SLC7A5: variants seen among roughly 807,000 people sequenced by gnomAD.
The protein encoded by SLC7A5 is large neutral amino acids transporter small subunit 1.
Under a neutral mutation model 50.2 loss-of-function variants are expected in SLC7A5, and 23 were observed. That is an observed-to-expected ratio of 0.46 (90% confidence interval 0.33 to 0.65). SLC7A5 has a LOEUF of 0.65. SLC7A5 is among the 30% of genes least tolerant of loss of function. The pLI is 0.02. For synonymous variants in SLC7A5, 393 were observed against 330.6 expected (o/e 1.19, Z -2.05); for missense variants, 578 against 684.4 (o/e 0.84, Z 1.73).
chr16:87,869,222 G>T lies in SLC7A5; in HGVS notation c.201C>A (p.Gly67=). 3 of 1,612,440 alleles carry T rather than the reference G, an allele frequency of 1.9e-6. No individual in the cohort carries two copies. The highest frequency in any genetic ancestry group is 2.5e-6 in the Non-Finnish European group (3 of 1,179,824). The part of the protein sequence containing the change: ...AIIVGTIIGS[G]IFVTPTGVLK... ...GCACGCCCGTGGGCGTCACGAAGAT[G>T]CCCGAGCCGATAATGGTCCCCACGA... The change falls in exon 1 of 10, where the codon GGC becomes GGA. Residue 67 remains glycine (G), a synonymous_variant. Transcript: ENST00000261622.
chr16:87,866,524 G>A (rs909604105), intron 1 of SLC7A5, among the ~76,000 whole-genome samples: 8 of 152,082 alleles, frequency 5.3e-5, no homozygotes, highest in African/African-American at 1.9e-4. Flanking sequence ...GGAGTGCAGT[G>A]GTGCGATCTC....
chr16:87,837,467 C>T (rs571032770), intron 7 of SLC7A5: 5 of 277,468 alleles, frequency 1.8e-5, no homozygotes, highest in Non-Finnish European at 2.8e-5. Flanking sequence ...AAGGCAGTCA[C>T]GCGGGCTGGC....
rs2054940090 is a variant in SLC7A5, at chr16:87,831,960, C to T, written c.*1010G>A. On this transcript the variant is annotated 3_prime_UTR_variant, in exon 10 of 10. Transcript: ENST00000261622. ...CGTGACAGGGAGAGCGGGGAGGTGC[C>T]TAGGCCGGGAGTGGGAACCCAGCAC... 5 of 153,054 alleles carry T rather than the reference C, an allele frequency of 3.3e-5. No individual in the cohort carries two copies. The Admixed American group carries it at 3.3e-4, about 10-fold the overall frequency. 9.5% of individuals were successfully genotyped at this position (153,054 alleles called of 1,614,324 possible). A position where few individuals can be genotyped will look rare whatever the true frequency, so the allele number is the denominator to read the frequency against.
At chr16:87,837,680 C>CCCCT (rs1450279717) in intron 7 of SLC7A5, 165 bp downstream of exon 7, 1 of 604,248 alleles carries the variant, frequency 1.7e-6, no homozygotes, top group East Asian at 2.8e-5. Flanking sequence ...AAATCTAAAG[C>CCCCT]CCCTCCAGCG....
intron 1 of SLC7A5, among the ~76,000 whole-genome samples, chr16:87,868,157 A>G (rs547038891): frequency 6.6e-6 from 1 of 151,792 alleles, no homozygotes; most frequent in African/African-American, 2.4e-5. Context: ...AAAGAAAACT[A>G]TTTTGAAAAG....
chr16:87,844,468 C>G (rs1252302416), intron 2 of SLC7A5, among the ~76,000 whole-genome samples: 1 of 152,194 alleles, frequency 6.6e-6, no homozygotes, highest in African/African-American at 2.4e-5. Flanking sequence ...GGAGACTCCG[C>G]CGGTGGCTAA....
chr16:87,839,154 G>T (rs1323604176), intron 5 of SLC7A5, among the ~76,000 whole-genome samples: 2 of 152,208 alleles, frequency 1.3e-5, no homozygotes, highest in African/African-American at 4.8e-5. Flanking sequence ...TGCCGGCAGC[G>T]GGCTGGGAGT....
intron 2 of SLC7A5, among the ~76,000 whole-genome samples, chr16:87,843,347 C>CTTTTTTTTTTT (rs60307560): frequency 1.9e-4 from 12 of 63,322 alleles, no homozygotes; most frequent in African/African-American, 6.5e-4. Flanking sequence ...GCCTGAGTAA[C>CTTTTTTTTTTT]TTTTTTTTTT....
At chr16:87,839,346 A>T (rs970852090) in intron 5 of SLC7A5, among the ~76,000 whole-genome samples, 1 of 151,580 alleles carries the variant, frequency 6.6e-6, no homozygotes, top group African/African-American at 2.4e-5. Flanking sequence ...AACGAACCCC[A>T]CTCTGTGGCA....
Position 87,838,786 on chromosome 16 carries a change from G to C in SLC7A5, c.971C>G (p.Ser324Cys), listed in dbSNP as rs2055044990. Residue 324 changes from serine to cysteine, a missense_variant, in exon 6 of 10, where the codon TCC (serine) becomes TGC (cysteine). Coordinates refer to ENST00000261622, the MANE Select transcript of SLC7A5 (RefSeq NM_003486.7). The stretch of plus-strand genomic sequence containing the variant: ...GCCCACGAAGACGGGGATGATCCAG[G>C]ACATGACGCCCAGGTGATAGTTCCC... ...DFGNYHLGVMSWIIPVFVGLS... is the reference protein window; with the variant it reads ...DFGNYHLGVMCWIIPVFVGLS... 1.9e-6 allele frequency: 3 copies of C among 1,613,910 alleles called. No individual in the cohort carries two copies. Among genetic ancestry groups the C allele is most frequent in the African/African-American group, 2.7e-5 (2 of 74,936 alleles).
chr16:87,833,482 A>G lies in SLC7A5; in HGVS notation c.1469-457T>C, dbSNP rs2054957779. 6.6e-6 allele frequency among the ~76,000 whole-genome samples: 1 copy of G among 152,160 alleles called. No individual in the cohort carries two copies. The highest frequency in any genetic ancestry group is 2.4e-5 in the African/African-American group (1 of 41,448). ...ACCTGTCGCGCCTGGGACTGTCTACAGAGACATCACTCTGTGGAGGGGGAC... is the reference window on the plus strand; with the variant it reads ...ACCTGTCGCGCCTGGGACTGTCTACGGAGACATCACTCTGTGGAGGGGGAC... On this transcript the variant is annotated intron_variant, in intron 9 of 9. Transcript: ENST00000261622. This position sits in a 1 kb window ranked among gnomAD's most constrained non-coding sequence, Gnocchi z 6.0.
At chr16:87,868,777 C>T in intron 1 of SLC7A5, 108 bp downstream of exon 1, 3 of 1,196,292 alleles carry the variant, frequency 2.5e-6, no homozygotes, top group Non-Finnish European at 3.6e-6. Context: ...CGGGATGGTC[C>T]AGGAACGTAA....
chr16:87,837,760 G>C (rs3815559), intron 7 of SLC7A5, 85 bp downstream of exon 7: 255,258 of 1,113,994 alleles, frequency 0.23, 32,574 homozygotes, highest in South Asian at 0.43. Flanking sequence ...ACCCCAGACA[G>C]AGCTGCAAGC....
At chr16:87,844,469 C>T (rs991363027) in intron 2 of SLC7A5, among the ~76,000 whole-genome samples, 2 of 152,192 alleles carry the variant, frequency 1.3e-5, no homozygotes, top group Non-Finnish European at 2.9e-5. Flanking sequence ...GAGACTCCGC[C>T]GGTGGCTAAA....
intron 1 of SLC7A5, among the ~76,000 whole-genome samples, chr16:87,854,485 G>C (rs111234965): frequency 3.3e-5 from 5 of 152,336 alleles, no homozygotes; most frequent in African/African-American, 9.6e-5. Context: ...GATAAGTCTG[G>C]GGTTTGAACC....
intron 1 of SLC7A5, among the ~76,000 whole-genome samples, chr16:87,866,897 C>G (rs1469315887): frequency 2.0e-5 from 3 of 152,074 alleles, no homozygotes; most frequent in African/African-American, 7.2e-5. Flanking sequence ...CGACTCACTC[C>G]TGGCACCAGC....
At chr16:87,837,050 G>A (rs575216101) in intron 7 of SLC7A5, among the ~76,000 whole-genome samples, 4 of 152,330 alleles carry the variant, frequency 2.6e-5, no homozygotes, top group South Asian at 4.1e-4. Flanking sequence ...TGTAACCCCC[G>A]GCACAGCCGT....
chr16:87,851,985 C>G, intron 1 of SLC7A5, 136 bp from the exon 2 acceptor site: 1 of 967,430 alleles, frequency 1.0e-6, no homozygotes, highest in Non-Finnish European at 1.6e-6. Flanking sequence ...CAGCTCCAGT[C>G]CCCTGCCAGC....
intron 1 of SLC7A5, 127 bp from the exon 2 acceptor site, chr16:87,851,976 A>T: frequency 9.1e-7 from 1 of 1,094,734 alleles, no homozygotes. Context: ...CTCCTTAAAC[A>T]GCTCCAGTCC....
Sources: allele counts gnomAD v4.1 joint callset (sites outside exome capture counted in the v4.1 genomes callset), GRCh38; gene constraint gnomAD v4.1.1; non-coding constraint Gnocchi (gnomAD v3.1); transcripts MANE v1.5; gene names NCBI Gene and HGNC (gene_info 2026-07-23, HGNC 2026-07-21).